Variants in CDH12 observed in about 807,000 individuals in gnomAD.
CDH12 encodes the protein cadherin-12.
In CDH12, 41 loss-of-function variants were observed where a neutral mutation model predicts 74.1. That is an observed-to-expected ratio of 0.55 (90% CI 0.43 to 0.72). The LOEUF is 0.72. CDH12 is among the 30% of genes least tolerant of loss of function. CDH12 has a pLI of 0.00. For missense variants in CDH12, 945 were observed against 977.2 expected (o/e 0.97, Z 0.44); for synonymous variants, 399 against 355.0 (o/e 1.12, Z -1.39).
At chr5:22,800,530 A>G (rs1188929882) in intron 1 of CDH12, among the ~76,000 whole-genome samples, 5 of 152,172 alleles carry the variant, frequency 3.3e-5, no homozygotes, top group African/African-American at 9.6e-5. Flanking sequence ...TACATTTGTT[A>G]CAATTGATGA....
chr5:21,880,639 CTTTCTTTCTTTCTTT>C (rs1752275180), intron 6 of CDH12, among the ~76,000 whole-genome samples: 1 of 107,726 alleles, frequency 9.3e-6, no homozygotes, highest in African/African-American at 3.5e-5. Flanking sequence ...TTCTTTCTTT[CTTTCTTTCTTTCTTT>C]CTTTCTTTCT....
At chr5:22,416,137 C>T (rs1262912341) in intron 2 of CDH12, among the ~76,000 whole-genome samples, 1 of 131,928 alleles carries the variant, frequency 7.6e-6, no homozygotes, top group African/African-American at 2.9e-5. Flanking sequence ...TGCAGTGGCG[C>T]AATCTCGGCT....
At chr5:22,185,236 T>C (rs1749872241) in intron 4 of CDH12, among the ~76,000 whole-genome samples, 1 of 151,090 alleles carries the variant, frequency 6.6e-6, no homozygotes, top group Non-Finnish European at 1.5e-5. Flanking sequence ...TTCACTTTTG[T>C]TGCTCAGGCT....
At chr5:22,084,502 T>C (rs1742937992) in intron 4 of CDH12, among the ~76,000 whole-genome samples, 1 of 152,238 alleles carries the variant, frequency 6.6e-6, no homozygotes, top group African/African-American at 2.4e-5. Context: ...CAATCAACAA[T>C]GGTCTTTTAT....
chr5:22,655,728 G>T (rs1052943496), intron 1 of CDH12, among the ~76,000 whole-genome samples: 2 of 152,066 alleles, frequency 1.3e-5, no homozygotes, highest in Non-Finnish European at 2.9e-5. Flanking sequence ...AATTACATTG[G>T]GATTTGCCTT....
rs1470498724 is a variant in CDH12 at position 22,678,053 on chromosome 5, G to GT, written c.-522-172690_-522-172689insA. ...TCCTATACCATCCTCATGGGGGGGG[G>GT]GGTTAGGATTTTAATGTAAAATTTT... On this transcript the variant is annotated intron_variant, in intron 1 of 14. Transcript: ENST00000382254. Among the ~76,000 whole-genome samples the GT allele has an allele frequency of 2.5e-4, 38 of 150,578 alleles. 3 individuals are homozygous for GT. The South Asian group carries it at 7.4e-3, about 29-fold the overall frequency.
At chr5:22,848,366 T>G (rs562828842) in intron 1 of CDH12, among the ~76,000 whole-genome samples, 18 of 152,326 alleles carry the variant, frequency 1.2e-4, no homozygotes, top group Middle Eastern at 3.4e-3. Context: ...ACATTTTAAC[T>G]TACCTAATGT....
chr5:22,178,419 A>G (rs1749456759), intron 4 of CDH12, among the ~76,000 whole-genome samples: 2 of 152,202 alleles, frequency 1.3e-5, no homozygotes, highest in African/African-American at 4.8e-5. Flanking sequence ...CAGAAAATTT[A>G]CTTTTGAATA....
intron 5 of CDH12, among the ~76,000 whole-genome samples, chr5:22,072,096 C>A (rs959452239): frequency 2.0e-5 from 3 of 152,068 alleles, no homozygotes. Flanking sequence ...GATGCTCTCC[C>A]TATCTCTACA....
Position 22,752,872 on chromosome 5 carries a change from C to T in CDH12, c.-523+100186G>A, listed in dbSNP as rs565589902. Among the ~76,000 whole-genome samples, 19 of 152,022 alleles carry T rather than the reference C, an allele frequency of 1.2e-4. No individual in the cohort carries two copies. The South Asian group carries it at 3.9e-3, about 32-fold the overall frequency. On this transcript the variant is annotated intron_variant, in intron 1 of 14. Coordinates refer to ENST00000382254, the MANE Select transcript of CDH12 (RefSeq NM_004061.5). ...TACAGGCGTGAGCCACCGCGCCCGG[C>T]AGGATACTTCTTTCTTGGAGCTCAC...
intron 1 of CDH12, among the ~76,000 whole-genome samples, chr5:22,532,365 ATATATATATATATG>A (rs1269420641): frequency 1.2e-5 from 1 of 81,946 alleles, no homozygotes; most frequent in African/African-American, 4.3e-5. Flanking sequence ...ATATATATAT[ATATATATATATATG>A]TATGTATCCT....
intron 6 of CDH12, among the ~76,000 whole-genome samples, chr5:21,900,199 T>A (rs1306095535): frequency 2.6e-5 from 4 of 152,248 alleles, no homozygotes; most frequent in African/African-American, 9.6e-5. Flanking sequence ...AGAGCATATA[T>A]CCATGTCTTG....
At chr5:22,209,992 C>T (rs62350674) in intron 4 of CDH12, among the ~76,000 whole-genome samples, 54,036 of 148,602 alleles carry the variant, frequency 0.36, 11,291 homozygotes, top group East Asian at 0.71. Context: ...TCCAGCTTTC[C>T]TTCTGGAAAA....
chr5:22,234,002 G>A (rs187351576), intron 3 of CDH12, among the ~76,000 whole-genome samples: 3 of 152,232 alleles, frequency 2.0e-5, no homozygotes, highest in Admixed American at 1.3e-4. Flanking sequence ...AAGGGCTTAT[G>A]TGTACATTTT....
intron 3 of CDH12, among the ~76,000 whole-genome samples, chr5:22,304,018 C>T (rs184495035): frequency 8.7e-4 from 132 of 152,072 alleles, no homozygotes; most frequent in Admixed American, 2.3e-3. Context: ...GTATTCAAAC[C>T]ACCCACCCTT....
chr5:21,802,963 C>T (rs1407256777), intron 9 of CDH12, among the ~76,000 whole-genome samples: 1 of 152,080 alleles, frequency 6.6e-6, no homozygotes, highest in Non-Finnish European at 1.5e-5. Flanking sequence ...TTGAAAAACT[C>T]ATCATTTACG....
At chr5:22,180,342 C>T (rs1053222870) in intron 4 of CDH12, among the ~76,000 whole-genome samples, 3 of 152,066 alleles carry the variant, frequency 2.0e-5, no homozygotes, top group African/African-American at 7.2e-5. Context: ...TTAATCTTTT[C>T]TTCCCACAAC....
intron 6 of CDH12, among the ~76,000 whole-genome samples, chr5:21,906,989 T>G (rs1194105355): frequency 6.6e-6 from 1 of 152,178 alleles, no homozygotes; most frequent in African/African-American, 2.4e-5. Flanking sequence ...TAGTTCTGTC[T>G]TGGTAGAGCC....
intron 1 of CDH12, among the ~76,000 whole-genome samples, chr5:22,710,842 G>A (rs772828336): frequency 4.6e-5 from 7 of 152,008 alleles, no homozygotes; most frequent in African/African-American, 7.2e-5. Context: ...TGCTCCTGAC[G>A]TCATACAAAA....
Sources: gnomAD v4.1 joint callset for allele counts (sites outside exome capture counted in the v4.1 genomes callset) on GRCh38, gnomAD v4.1.1 for gene constraint, MANE v1.5 for transcripts, NCBI Gene and HGNC (gene_info 2026-07-23, HGNC 2026-07-21) for gene names.